The following KCNN3 variants were observed in gnomAD, a reference collection of about 807,000 sequenced individuals.
The protein encoded by KCNN3 is potassium calcium-activated channel subfamily N member 3.
In KCNN3, 16 loss-of-function variants were observed where a neutral mutation model predicts 62.9. The observed-to-expected ratio is 0.25, with a 90% CI of 0.17 to 0.39. The LOEUF (loss-of-function observed/expected upper bound fraction) is 0.39. Among genes scored for constraint, KCNN3 ranks in the 10% least tolerant of loss-of-function variants. The probability of loss-of-function intolerance (pLI) is 1.00; values close to 1 mark genes in which losing one functional copy is unlikely to be tolerated. For synonymous variants in KCNN3, 370 were observed against 389.2 expected (o/e 0.95, Z 0.58); for missense variants, 599 against 949.4 (o/e 0.63, Z 4.85).
rs765331906 is a variant in KCNN3, at chr1:154,809,042, G to A, written c.1029+13047C>T. Among the ~76,000 whole-genome samples the A allele has an allele frequency of 4.7e-5, 7 of 150,144 alleles. No homozygotes were observed. Among genetic ancestry groups the A allele is most frequent in the Non-Finnish European group, 7.3e-5 (5 of 68,044 alleles). On this transcript the variant is annotated intron_variant, in intron 2 of 7. Coordinates refer to ENST00000271915, the MANE Select transcript of KCNN3 (RefSeq NM_002249.6). This position sits in a 1 kb window ranked among gnomAD's most constrained non-coding sequence, Gnocchi z 4.3. ...GGTTACTGATCTCTGGTTTGTGGCT[G>A]TGCCTGATGTAGTCACAGGTCAGTG...
At chr1:154,711,868 G>A (rs1219882248) in intron 7 of KCNN3, among the ~76,000 whole-genome samples, 1 of 152,130 alleles carries the variant, frequency 6.6e-6, no homozygotes, top group East Asian at 1.9e-4. Context: ...TCTGTCGCGG[G>A]GACAGGAGGC....
chr1:154,770,265 C>T (rs1035012506), intron 3 of KCNN3, among the ~76,000 whole-genome samples: 1 of 152,216 alleles, frequency 6.6e-6, no homozygotes, highest in African/African-American at 2.4e-5. Flanking sequence ...AGAACCTGAA[C>T]CTGCATCCTG....
Position 154,708,292 on chromosome 1 carries a change from C to G in KCNN3, c.1900-20G>C. On this transcript the variant is annotated intron_variant, in intron 7 of 7. Coordinates refer to ENST00000271915, the MANE Select transcript of KCNN3 (RefSeq NM_002249.6). ...CTGCATCTGTGTGGAGAGAGAGAGGCGAGAGACAGGGAGATGACAGGTCAT... is the reference window on the plus strand; with the variant it reads ...CTGCATCTGTGTGGAGAGAGAGAGGGGAGAGACAGGGAGATGACAGGTCAT... 1 of 1,610,742 alleles carries G rather than the reference C, an allele frequency of 6.2e-7. No homozygotes were observed. Among genetic ancestry groups the G allele is most frequent in the Non-Finnish European group, 8.5e-7 (1 of 1,178,264 alleles).
intron 2 of KCNN3, among the ~76,000 whole-genome samples, chr1:154,817,082 A>G (rs866659145): frequency 6.6e-6 from 1 of 152,170 alleles, no homozygotes; most frequent in African/African-American, 2.4e-5. Context: ...GGAGTTCTGC[A>G]TATATTATCT....
intron 1 of KCNN3, among the ~76,000 whole-genome samples, chr1:154,823,424 C>T (rs1650985269): frequency 6.6e-6 from 1 of 152,236 alleles, no homozygotes; most frequent in African/African-American, 2.4e-5. Flanking sequence ...AGGCACCTTA[C>T]AGTTTACAAG....
chr1:154,810,127 T>C (rs990385337), intron 2 of KCNN3, among the ~76,000 whole-genome samples: 1 of 152,068 alleles, frequency 6.6e-6, no homozygotes, highest in African/African-American at 2.4e-5. Flanking sequence ...TAGGGGAGTT[T>C]GGGTGGAAGG....
Position 154,812,953 on chromosome 1 carries a change from G to A in KCNN3, c.1029+9136C>T, listed in dbSNP as rs535700143. Among the ~76,000 whole-genome samples the A allele has an allele frequency of 5.3e-5, 8 of 152,278 alleles. 1 individual carries two copies. The South Asian group carries it at 6.2e-4, about 12-fold the overall frequency. ...AAAAACCGCTCACAGCCACTCTCCC[G>A]ACATTTTCCTCTCCTTGTCAGGCAG... On this transcript the variant is annotated intron_variant, in intron 2 of 7. Transcript: ENST00000271915.
At chr1:154,766,416 T>TTTTATA (rs1553231996) in intron 3 of KCNN3, among the ~76,000 whole-genome samples, 17 of 71,800 alleles carry the variant, frequency 2.4e-4, no homozygotes, top group South Asian at 5.8e-4. Context: ...TAGCCAGGCT[T>TTTTATA]TATATATATA....
chr1:154,821,139 G>A (rs915134117), intron 2 of KCNN3, among the ~76,000 whole-genome samples: 2 of 152,148 alleles, frequency 1.3e-5, no homozygotes, highest in Non-Finnish European at 2.9e-5. Context: ...TCACAGGGCT[G>A]GCCAAAGACA....
intron 2 of KCNN3, among the ~76,000 whole-genome samples, chr1:154,789,567 G>A (rs1435418420): frequency 4.6e-5 from 7 of 152,126 alleles, no homozygotes; most frequent in East Asian, 1.9e-4. Flanking sequence ...GCTCCAAGAC[G>A]TCAGCTGAAC....
intron 3 of KCNN3, among the ~76,000 whole-genome samples, chr1:154,738,007 A>G (rs1450330455): frequency 6.6e-6 from 1 of 151,704 alleles, no homozygotes; most frequent in Non-Finnish European, 1.5e-5. Flanking sequence ...TACAGAAAGA[A>G]ACAACTGGGG....
At chr1:154,784,860 G>A (rs865969157) in intron 2 of KCNN3, among the ~76,000 whole-genome samples, 7 of 152,202 alleles carry the variant, frequency 4.6e-5, no homozygotes, top group Admixed American at 2.6e-4. Context: ...ACTGAGGCTC[G>A]GAGAGGCTAA....
At chr1:154,749,478 A>G (rs954563563) in intron 3 of KCNN3, among the ~76,000 whole-genome samples, 1 of 152,218 alleles carries the variant, frequency 6.6e-6, no homozygotes, top group Non-Finnish European at 1.5e-5. Flanking sequence ...ACAGCACAGA[A>G]CAAGTACCCT....
rs767581747 is a variant in KCNN3, at chr1:154,869,683, C to T, written c.282G>A (p.Gln94=). 1.6e-5 allele frequency: 25 copies of T among 1,595,822 alleles called. No individual in the cohort carries two copies. Among genetic ancestry groups the T allele is most frequent in the African/African-American group, 2.7e-5 (2 of 74,114 alleles). ...AGTGCAGCAGGCCAGGGTGGACGGGCTGGCTCTGGAGTTGGGCGAGCTGAG... is the reference window on the plus strand; with the variant it reads ...AGTGCAGCAGGCCAGGGTGGACGGGTTGGCTCTGGAGTTGGGCGAGCTGAG... The part of the protein sequence containing the change: ...PLSQLAQLQS[Q]PVHPGLLHSS... Residue 94 remains glutamine (Q), a synonymous_variant, in exon 1 of 8, where the codon CAG becomes CAA. Transcript: ENST00000271915. This position sits in a 1 kb window ranked among gnomAD's most constrained non-coding sequence, Gnocchi z 6.1.
intron 2 of KCNN3, among the ~76,000 whole-genome samples, chr1:154,802,494 G>C (rs1219139423): frequency 6.6e-6 from 1 of 152,178 alleles, no homozygotes; most frequent in Non-Finnish European, 1.5e-5. Flanking sequence ...GAAGTATGGA[G>C]CCCAGCCCTG....
At chr1:154,859,684 A>G (rs777735549) in intron 1 of KCNN3, 2 of 1,613,830 alleles carry the variant, frequency 1.2e-6, no homozygotes, top group Non-Finnish European at 1.7e-6. Context: ...TAACCTGGGC[A>G]GGGCACCCAC....
chr1:154,746,477 G>A (rs1700937866), intron 3 of KCNN3, among the ~76,000 whole-genome samples: 1 of 152,156 alleles, frequency 6.6e-6, no homozygotes, highest in African/African-American at 2.4e-5. Flanking sequence ...GAACTCACAG[G>A]CACAGCTGGC....
intron 1 of KCNN3, among the ~76,000 whole-genome samples, chr1:154,830,897 A>G (rs1651355307): frequency 6.6e-6 from 1 of 152,236 alleles, no homozygotes; most frequent in South Asian, 2.1e-4. Flanking sequence ...ATCAAGTCAG[A>G]CGGGGCACCC....
chr1:154,698,038 G>A lies in KCNN3; in HGVS notation c.*9938C>T, dbSNP rs1699774055. The A allele has an allele frequency of 6.6e-6, 1 of 152,188 alleles. No individual in the cohort carries two copies. The highest frequency in any genetic ancestry group is 2.1e-4 in the South Asian group (1 of 4,836). 9.4% of individuals were successfully genotyped at this position (152,188 alleles called of 1,614,324 possible). On this transcript the variant is annotated 3_prime_UTR_variant, in exon 8 of 8. Coordinates refer to ENST00000271915, the MANE Select transcript of KCNN3 (RefSeq NM_002249.6). ...TTTAGTAATCACTGAGTTGGTAAAT[G>A]TATTCATTCATATGGAGTTTTTGGA...
Sources: allele counts gnomAD v4.1 joint callset (sites outside exome capture counted in the v4.1 genomes callset), GRCh38; gene constraint gnomAD v4.1.1; non-coding constraint Gnocchi (gnomAD v3.1); transcripts MANE v1.5; gene names NCBI Gene and HGNC (gene_info 2026-07-23, HGNC 2026-07-21).